The following DST variants were observed in gnomAD, a reference collection of about 807,000 sequenced individuals.
DST encodes the protein bullous pemphigoid antigen.
DST carries 253 observed loss-of-function variants against 875.2 expected under a neutral mutation model. That is an observed-to-expected ratio of 0.29 (90% CI 0.26 to 0.32). The LOEUF is 0.32. DST is among the 10% of genes least tolerant of loss of function. The pLI is 1.00. For synonymous variants in DST, 3,124 were observed against 3,197.1 expected, an observed-to-expected ratio of 0.98 and a Z score of 0.77; for missense variants, 8,287 against 9,111.6, an observed-to-expected ratio of 0.91 and a Z score of 3.68.
At chr6:56,619,049 T>G in intron 36 of DST, 1 of 1,614,182 alleles carries the variant, frequency 6.2e-7, no homozygotes, top group Non-Finnish European at 8.5e-7. Flanking sequence ...TTGCTTAAAT[T>G]CACTTACCAA....
At chr6:56,894,568 G>A (rs1789886918) in intron 3 of DST, among the ~76,000 whole-genome samples, 2 of 55,928 alleles carry the variant, frequency 3.6e-5, no homozygotes, top group Non-Finnish European at 6.5e-5. Context: ...GGGGCGGCTG[G>A]CCGGGCAGAG....
intron 16 of DST, 58 bp from the exon 17 acceptor site, chr6:56,642,159 A>G (rs565508383): frequency 7.3e-7 from 1 of 1,366,732 alleles, no homozygotes; most frequent in East Asian, 2.3e-5. Flanking sequence ...AACAACCTGA[A>G]ATATAAAACA....
intron 4 of DST, among the ~76,000 whole-genome samples, chr6:56,743,227 A>G (rs2099554058): frequency 6.6e-6 from 1 of 152,198 alleles, no homozygotes; most frequent in African/African-American, 2.4e-5. Context: ...CGTTAGACCA[A>G]TAGACCTTCC....
rs774822621 is a variant in DST, at chr6:56,501,397, C to T, written c.19740+123G>A. ...CTTCTATGTTTTAAGTTTGACGCTC[C>T]TCATGGTTAAAATAGAATATATGAG... On this transcript the variant is annotated intron_variant, in intron 79 of 103. Coordinates refer to ENST00000680361, the MANE Select transcript of DST (RefSeq NM_001374736.1). 1.5e-4 allele frequency: 172 copies of T among 1,135,698 alleles called. 1 individual carries two copies. The highest frequency in any genetic ancestry group is 1.6e-4 in the Non-Finnish European group (134 of 840,784). 70.4% of individuals were successfully genotyped at this position (1,135,698 alleles called of 1,614,324 possible).
chr6:56,669,883 A>C (rs528553638), intron 10 of DST, among the ~76,000 whole-genome samples: 15 of 152,342 alleles, frequency 9.8e-5, no homozygotes, highest in African/African-American at 3.4e-4. Flanking sequence ...TGTAAGTATT[A>C]GCGTGGATTT....
chr6:56,528,761 G>T (rs748396461), intron 67 of DST, 80 bp downstream of exon 67: 27 of 1,050,452 alleles, frequency 2.6e-5, no homozygotes, highest in Non-Finnish European at 3.4e-5. Flanking sequence ...AAGTGTTTTG[G>T]TTTTTTCCCA....
intron 47 of DST, 123 bp from the exon 48 acceptor site, chr6:56,594,316 T>C (rs2098334701): frequency 2.7e-6 from 2 of 728,832 alleles, no homozygotes; most frequent in Non-Finnish European, 4.3e-6. Flanking sequence ...TGCTTCTCAT[T>C]CCCCTTTTCA....
intron 3 of DST, chr6:56,864,092 T>A (rs1418366437): frequency 6.6e-6 from 1 of 152,244 alleles, no homozygotes; most frequent in African/African-American, 2.4e-5. Context: ...ATATAGTGGG[T>A]GGGCCTTCTC....
intron 4 of DST, among the ~76,000 whole-genome samples, chr6:56,783,449 T>A (rs543366381): frequency 6.6e-6 from 1 of 151,200 alleles, no homozygotes; most frequent in Admixed American, 6.6e-5. Flanking sequence ...TAGCTCTTCT[T>A]GTTGAATTGA....
rs748899221 is a variant in DST, at chr6:56,619,476, GTCTT to G, written c.4930-4996_4930-4993del. ...TCTGATTTTCTCTGGCAGATTTGTA[GTCTT>G]TCTAATTCTTTCTCATCTCGAAAAG... On this transcript the variant is annotated intron_variant, in intron 36 of 103. Transcript: ENST00000680361. 3 of 1,611,940 alleles carry G rather than the reference GTCTT, an allele frequency of 1.9e-6. No individual in the cohort carries two copies. The East Asian group carries it at 6.7e-5, about 36-fold the overall frequency.
intron 86 of DST, among the ~76,000 whole-genome samples, chr6:56,488,512 C>T (rs1310426372): frequency 1.3e-5 from 2 of 152,102 alleles, no homozygotes; most frequent in Non-Finnish European, 2.9e-5. Context: ...CATTCATTAG[C>T]CCTCATCTGG....
chr6:56,752,979 CG>C (rs1463945907), intron 4 of DST, among the ~76,000 whole-genome samples: 1 of 151,870 alleles, frequency 6.6e-6, no homozygotes, highest in Non-Finnish European at 1.5e-5. Context: ...TTAGTAGAGA[CG>C]GGGTTTCTCC....
chr6:56,629,631 AT>A (rs926488957), intron 31 of DST, among the ~76,000 whole-genome samples, 188 bp from the exon 32 acceptor site: 4 of 152,158 alleles, frequency 2.6e-5, no homozygotes, highest in Non-Finnish European at 4.4e-5. Flanking sequence ...TTGTACTCTG[AT>A]TTTTTAATGA....
chr6:56,464,051 G>A, intron 100 of DST: 1 of 463,642 alleles, frequency 2.2e-6, no homozygotes, highest in South Asian at 2.0e-5. Flanking sequence ...GTGTCAGCAT[G>A]AAAATGGAAA....
In DST at chr6:56,608,512, G is replaced by C; in HGVS notation, c.6116C>G (p.Pro2039Arg). The C allele has an allele frequency of 6.2e-7, 1 of 1,613,554 alleles. No homozygotes were observed. Among genetic ancestry groups the C allele is most frequent in the Non-Finnish European group, 8.5e-7 (1 of 1,179,750 alleles). Residue 2039 changes from proline (P) to arginine (R), a missense_variant, in exon 40 of 104, where the codon CCT (proline) becomes CGT (arginine). Physicochemically the swap from Pro to Arg is moderately radical, Grantham distance 103. Coordinates refer to ENST00000680361, the MANE Select transcript of DST (RefSeq NM_001374736.1). ...TTCGTCTACAGTTAAACGCTTGGCA[G>C]GGTTTGACTGGATGATTCCACCAGT... ...VQTGGIIQSN[P>R]AKRLTVDEAV...
chr6:56,880,590 G>A (rs1781628853), intron 3 of DST, among the ~76,000 whole-genome samples: 1 of 151,660 alleles, frequency 6.6e-6, no homozygotes, highest in African/African-American at 2.4e-5. Flanking sequence ...GGGAGCCTGA[G>A]GCAGGAGAAT....
At chr6:56,603,110 TTA>T in intron 42 of DST, 79 bp from the exon 43 acceptor site, 1 of 1,545,534 alleles carries the variant, frequency 6.5e-7, no homozygotes, top group South Asian at 1.2e-5. Flanking sequence ...GGTTTAAGAG[TTA>T]GCACTCTAAA....
intron 9 of DST, among the ~76,000 whole-genome samples, chr6:56,681,147 T>C (rs1341816546): frequency 1.3e-5 from 2 of 152,134 alleles, no homozygotes; most frequent in Non-Finnish European, 2.9e-5. Context: ...TAATTTCTCA[T>C]TTTCCTTCCT....
chr6:56,720,685 C>T (rs912250462), intron 5 of DST, among the ~76,000 whole-genome samples: 2 of 152,176 alleles, frequency 1.3e-5, no homozygotes, highest in African/African-American at 4.8e-5. Flanking sequence ...GGTCACAGAT[C>T]AACAGCATCC....
Sources: allele counts gnomAD v4.1 joint callset (sites outside exome capture counted in the v4.1 genomes callset), GRCh38; gene constraint gnomAD v4.1.1; transcripts MANE v1.5; gene names NCBI Gene and HGNC (gene_info 2026-07-23, HGNC 2026-07-21).